ADAMTS17: variants seen among roughly 807,000 people sequenced by gnomAD.
The protein encoded by ADAMTS17 is A disintegrin and metalloproteinase with thrombospondin motifs 17.
Under a neutral mutation model 141.5 loss-of-function variants are expected in ADAMTS17, and 113 were observed. The ratio of observed to expected loss-of-function variants is 0.80; its 90% CI spans 0.69 to 0.93. The LOEUF is 0.93. ADAMTS17 is among the 40% of genes least tolerant of loss of function. The pLI, the probability that ADAMTS17 is intolerant of heterozygous loss-of-function variation, is 0.00. For missense variants in ADAMTS17, 1,659 were observed against 1,517.9 expected (o/e 1.09, Z -1.54); for synonymous variants, 768 against 630.6 (o/e 1.22, Z -3.27).
intron 7 of ADAMTS17, among the ~76,000 whole-genome samples, chr15:100,253,668 G>T (rs2043233128): frequency 6.6e-6 from 1 of 152,108 alleles, no homozygotes; most frequent in Admixed American, 6.5e-5. Flanking sequence ...TGGCACCAAG[G>T]CAGGTGGAAG....
At chr15:100,267,983 T>C (rs879685759) in intron 4 of ADAMTS17, among the ~76,000 whole-genome samples, 3 of 152,236 alleles carry the variant, frequency 2.0e-5, no homozygotes, top group Non-Finnish European at 4.4e-5. Context: ...AACTATTTTA[T>C]TGTTGCCATC....
chr15:100,109,485 G>A (rs1160921195), intron 13 of ADAMTS17, among the ~76,000 whole-genome samples: 1 of 106,038 alleles, frequency 9.4e-6, no homozygotes, highest in African/African-American at 3.3e-5. Flanking sequence ...AGGGTGTGAA[G>A]GGAGGGGGAG....
chr15:100,069,641 C>T (rs1448580066), intron 15 of ADAMTS17, among the ~76,000 whole-genome samples: 1 of 152,068 alleles, frequency 6.6e-6, no homozygotes, highest in Non-Finnish European at 1.5e-5. Flanking sequence ...TCCAGCCAAA[C>T]TAAGCTTCAT....
chr15:100,119,243 C>T (rs1041424495), intron 12 of ADAMTS17, among the ~76,000 whole-genome samples: 18 of 152,076 alleles, frequency 1.2e-4, no homozygotes, highest in African/African-American at 2.9e-4. Context: ...TTGTTGAAGC[C>T]GCCTGGTTGG....
At chr15:100,136,827 A>G (rs1213595617) in intron 10 of ADAMTS17, among the ~76,000 whole-genome samples, 2 of 152,258 alleles carry the variant, frequency 1.3e-5, no homozygotes, top group Non-Finnish European at 2.9e-5. Context: ...TAATGAGCCC[A>G]GAGGCGTGTC....
chr15:100,207,458 T>C (rs903758574), intron 7 of ADAMTS17, among the ~76,000 whole-genome samples: 1 of 152,144 alleles, frequency 6.6e-6, no homozygotes, highest in Non-Finnish European at 1.5e-5. Context: ...TGCTCAAACA[T>C]GGCTAACCCA....
At chr15:100,208,396 C>A (rs1157377591) in intron 7 of ADAMTS17, among the ~76,000 whole-genome samples, 2 of 152,144 alleles carry the variant, frequency 1.3e-5, no homozygotes, top group Non-Finnish European at 2.9e-5. Context: ...AAGTGGGTAC[C>A]TGTGCAGAGG....
In ADAMTS17 at chr15:100,341,222, C is replaced by T; in HGVS notation, c.267G>A (p.Gly89=). 1.4e-6 allele frequency: 2 copies of T among 1,437,956 alleles called. No homozygotes were observed. Among genetic ancestry groups the T allele is most frequent in the Non-Finnish European group, 1.8e-6 (2 of 1,096,412 alleles). 89.1% of individuals were successfully genotyped at this position (1,437,956 alleles called of 1,614,324 possible). Residue 89 remains glycine, a synonymous_variant, in exon 2 of 22, where the codon GGG becomes GGA. Transcript: ENST00000268070. The part of the protein sequence containing the change: ...RALLLHLPAF[G]RDLYLQLRRD... ...GGCGCAGCTGAAGGTACAGGTCGCG[C>T]CCGAAGGCCGGCAGGTGCAGCAGCA...
In ADAMTS17 at chr15:100,051,713, G is replaced by T. The variant is rs751037697; in HGVS notation, c.2314C>A (p.Gln772Lys). ...LHLMVLLFHDQDYGIHYEYTV... is the reference protein window; with the variant it reads ...LHLMVLLFHDKDYGIHYEYTV... Reference sequence around the variant, plus strand: ...TATTCATAATGAATTCCATAATCTTGGTCGTGAAATAACAACACCTGGATC... The same window carrying T: ...TATTCATAATGAATTCCATAATCTTTGTCGTGAAATAACAACACCTGGATC... The change falls in exon 17 of 22, where the codon CAA (glutamine) becomes AAA (lysine). Residue 772 changes from glutamine (Q) to lysine (K), a missense_variant. Gln to Lys is a moderately conservative substitution (Grantham distance 53). Coordinates refer to ENST00000268070, the MANE Select transcript of ADAMTS17 (RefSeq NM_139057.4). The T allele has an allele frequency of 5.0e-6, 8 of 1,614,178 alleles. No homozygotes were observed. The highest frequency in any genetic ancestry group is 3.4e-6 in the Non-Finnish European group (4 of 1,180,030).
At chr15:100,005,749 AT>A (rs879632203) in intron 18 of ADAMTS17, among the ~76,000 whole-genome samples, 3 of 152,240 alleles carry the variant, frequency 2.0e-5, no homozygotes, top group African/African-American at 4.8e-5. Context: ...AGGATTGTCG[AT>A]AAAAGTATCA....
chr15:100,202,644 A>G (rs1385195629), intron 7 of ADAMTS17, among the ~76,000 whole-genome samples: 1 of 152,244 alleles, frequency 6.6e-6, no homozygotes, highest in Non-Finnish European at 1.5e-5. Flanking sequence ...CCATGTTTCT[A>G]AAAAGAAACT....
At chr15:100,243,259 C>G (rs767813883) in intron 7 of ADAMTS17, among the ~76,000 whole-genome samples, 1 of 152,232 alleles carries the variant, frequency 6.6e-6, no homozygotes, top group Non-Finnish European at 1.5e-5. Flanking sequence ...TTTCCATATC[C>G]TGGCTATTGT....
intron 8 of ADAMTS17, among the ~76,000 whole-genome samples, chr15:100,166,595 A>G (rs774686059): frequency 6.6e-6 from 1 of 152,198 alleles, no homozygotes; most frequent in Non-Finnish European, 1.5e-5. Context: ...CCTTGCTGCT[A>G]CAGTGCAATA....
At chr15:100,158,192 T>C (rs1214703420) in intron 8 of ADAMTS17, among the ~76,000 whole-genome samples, 1 of 152,220 alleles carries the variant, frequency 6.6e-6, no homozygotes. Flanking sequence ...ATGGTCACTT[T>C]GTTGAATAAA....
At chr15:100,088,184 A>C (rs536061795) in intron 15 of ADAMTS17, among the ~76,000 whole-genome samples, 1 of 152,350 alleles carries the variant, frequency 6.6e-6, no homozygotes, top group South Asian at 2.1e-4. Flanking sequence ...AAGCATTCTT[A>C]TACACCAATA....
intron 18 of ADAMTS17, among the ~76,000 whole-genome samples, chr15:100,000,167 T>G (rs1450310697): frequency 6.6e-6 from 1 of 152,222 alleles, no homozygotes; most frequent in Non-Finnish European, 1.5e-5. Flanking sequence ...GGAGAACTCC[T>G]GCAGGGTGGC....
At chr15:100,114,698 G>A (rs1467445946) in intron 13 of ADAMTS17, among the ~76,000 whole-genome samples, 3 of 152,138 alleles carry the variant, frequency 2.0e-5, no homozygotes, top group East Asian at 3.9e-4. Flanking sequence ...TTAGGACTTA[G>A]GCAGAGAGAA....
chr15:100,189,567 C>T (rs1203031039), intron 8 of ADAMTS17, among the ~76,000 whole-genome samples: 1 of 152,186 alleles, frequency 6.6e-6, no homozygotes, highest in African/African-American at 2.4e-5. Context: ...CAGCACATGC[C>T]TCTGTATGGA....
intron 18 of ADAMTS17, among the ~76,000 whole-genome samples, chr15:100,008,598 G>T (rs962155497): frequency 6.6e-6 from 1 of 152,224 alleles, no homozygotes; most frequent in East Asian, 1.9e-4. Context: ...CTGGTGACGA[G>T]CCTGGGCTGG....
Sources: gnomAD v4.1 joint callset for allele counts (sites outside exome capture counted in the v4.1 genomes callset) on GRCh38, gnomAD v4.1.1 for gene constraint, MANE v1.5 for transcripts, NCBI Gene and HGNC (gene_info 2026-07-23, HGNC 2026-07-21) for gene names.